FREM2: variants seen among roughly 807,000 people sequenced by gnomAD.
FREM2 encodes FRAS1 related extracellular matrix 2.
FREM2 carries 119 observed loss-of-function variants against 219.9 expected under a neutral mutation model. The ratio of observed to expected loss-of-function variants is 0.54; its 90% CI spans 0.47 to 0.63. The LOEUF (loss-of-function observed/expected upper bound fraction) is 0.63, where lower values mean the gene tolerates loss of function less well. Ranked by LOEUF, FREM2 falls within the 30% of genes least tolerant of loss-of-function variation. The pLI, the probability that FREM2 is intolerant of heterozygous loss-of-function variation, is 0.00. For missense variants in FREM2, 4,030 were observed against 3,993.6 expected (o/e 1.01, Z -0.25); for synonymous variants, 1,562 against 1,522.8 (o/e 1.03, Z -0.60).
chr13:38,817,364 A>G (rs938801935), intron 6 of FREM2, among the ~76,000 whole-genome samples: 12 of 152,128 alleles, frequency 7.9e-5, no homozygotes, highest in African/African-American at 1.2e-4. Context: ...TGAAAAACAG[A>G]CACATAGACC....
Position 38,850,202 on chromosome 13 carries a change from A to G in FREM2, c.6544A>G (p.Asn2182Asp). Reference protein sequence around the residue: ...QVMMDFEERPNTDTSIITFLP... With the variant: ...QVMMDFEERPDTDTSIITFLP... ...GATGATGGACTTTGAAGAACGCCCAAACACTGATACCTCCATCATCACATT... is the reference window on the plus strand; with the variant it reads ...GATGATGGACTTTGAAGAACGCCCAGACACTGATACCTCCATCATCACATT... Residue 2182 changes from asparagine to aspartate, a missense_variant, in exon 9 of 24, where the codon AAC (asparagine) becomes GAC (aspartate). Around this residue, in one of 2 missense-constraint regions of FREM2, gnomAD observed 3,102 missense variants for 2,950.7 expected, o/e 1.05. Transcript: ENST00000280481. The G allele has an allele frequency of 6.2e-7, 1 of 1,613,982 alleles. No homozygotes were observed. Among genetic ancestry groups the G allele is most frequent in the Non-Finnish European group, 8.5e-7 (1 of 1,179,900 alleles).
At chr13:38,806,532 T>G (rs1875233727) in intron 6 of FREM2, among the ~76,000 whole-genome samples, 1 of 151,582 alleles carries the variant, frequency 6.6e-6, no homozygotes, top group Non-Finnish European at 1.5e-5. Flanking sequence ...AATAGTCTAT[T>G]AAGTATGCAA....
Position 38,866,872 on chromosome 13 carries a change from A to G in FREM2, c.7983+2266A>G, listed in dbSNP as rs1168911487. Among the ~76,000 whole-genome samples the G allele has an allele frequency of 3.9e-5, 6 of 152,144 alleles. No homozygotes were observed. In the South Asian group the frequency reaches 6.2e-4, roughly 16 times the overall value. ...TTGCCTGCCTAAGCTTTATCCTATT[A>G]TATCTGTCCACTTTTTTAATGTAGC... On this transcript the variant is annotated intron_variant, in intron 16 of 23. Coordinates refer to ENST00000280481, the MANE Select transcript of FREM2 (RefSeq NM_207361.6).
chr13:38,876,463 C>T, intron 20 of FREM2, 81 bp downstream of exon 20: 1 of 1,035,910 alleles, frequency 9.7e-7, no homozygotes, highest in Non-Finnish European at 1.5e-6. Flanking sequence ...AAAAAAAATC[C>T]ACACGTGAAT....
Position 38,851,751 on chromosome 13 carries a change from G to C in FREM2, c.6808G>C (p.Val2270Leu), listed in dbSNP as rs762699744. The C allele has an allele frequency of 2.5e-6, 4 of 1,613,714 alleles. No homozygotes were observed. The highest frequency in any genetic ancestry group is 3.4e-6 in the Non-Finnish European group (4 of 1,179,644). ...TGAACCCAAAGAACCTGGAGAGTCG[G>C]TGGTTATAAGAATTCCAGTGATTCG... ...VTEPKEPGES[V>L]VIRIPVIRQG... is the part of the protein sequence containing the mutation. The change falls in exon 11 of 24, where the codon GTG (valine) becomes CTG (leucine). Residue 2270 changes from valine to leucine, a missense_variant. This residue lies in a region of FREM2 where 3,102 missense variants were observed against 2,950.7 expected (regional missense o/e 1.05). Coordinates refer to ENST00000280481, the MANE Select transcript of FREM2 (RefSeq NM_207361.6).
intron 2 of FREM2, among the ~76,000 whole-genome samples, chr13:38,747,882 A>G (rs1469826300): frequency 1.3e-5 from 2 of 152,202 alleles, no homozygotes; most frequent in African/African-American, 2.4e-5. Flanking sequence ...AGCTTAGTCC[A>G]TGCTTCCCAT....
chr13:38,769,595 A>G lies in FREM2; in HGVS notation c.5428A>G (p.Arg1810Gly), dbSNP rs2137814787. 1 of 1,613,968 alleles carries G rather than the reference A, an allele frequency of 6.2e-7. No homozygotes were observed. Among genetic ancestry groups the G allele is most frequent in the Non-Finnish European group, 8.5e-7 (1 of 1,179,834 alleles). Residue 1810 changes from arginine to glycine, a missense_variant, in exon 4 of 24, where the codon AGA becomes GGA. Around this residue, in one of 2 missense-constraint regions of FREM2, gnomAD observed 3,102 missense variants for 2,950.7 expected, o/e 1.05. Coordinates refer to ENST00000280481, the MANE Select transcript of FREM2 (RefSeq NM_207361.6). The part of the protein sequence containing the change: ...TSFISIGTRD[R>G]TAEKDKDFKG... Reference sequence around the variant, plus strand: ...TTGTGAAGGTATTGGCACAAGAGACAGAACTGCAGAAAAAGACAAAGACTT... The same window carrying G: ...TTGTGAAGGTATTGGCACAAGAGACGGAACTGCAGAAAAAGACAAAGACTT...
At chr13:38,769,501 G>C in intron 3 of FREM2, 77 bp from the exon 4 acceptor site, 2 of 1,325,348 alleles carry the variant, frequency 1.5e-6, no homozygotes, top group Non-Finnish European at 2.1e-6. Flanking sequence ...AAAATGACAT[G>C]CAAAAAGTTA....
intron 6 of FREM2, among the ~76,000 whole-genome samples, chr13:38,824,324 T>C (rs955669485): frequency 1.3e-5 from 2 of 152,122 alleles, no homozygotes; most frequent in African/African-American, 2.4e-5. Flanking sequence ...CTCTGTCTTA[T>C]AAGGTATATG....
chr13:38,733,757 C>G (rs1159364006), intron 2 of FREM2, among the ~76,000 whole-genome samples: 1 of 152,164 alleles, frequency 6.6e-6, no homozygotes, highest in Non-Finnish European at 1.5e-5. Context: ...ATCCTCTTGC[C>G]TTGGCCTCCC....
In FREM2 at chr13:38,883,014, A is replaced by T. The variant is rs567130428; in HGVS notation, c.*2227A>T. On this transcript the variant is annotated 3_prime_UTR_variant, in exon 24 of 24. Coordinates refer to ENST00000280481, the MANE Select transcript of FREM2 (RefSeq NM_207361.6). ...ATTTCACTCTACAATGCATATTCTA[A>T]TGAAGCTACTTTATATAAATTGGAG... 8 of 152,300 alleles carry T rather than the reference A, an allele frequency of 5.3e-5. No homozygotes were observed. Among genetic ancestry groups the T allele is most frequent in the Non-Finnish European group, 8.8e-5 (6 of 68,014 alleles). The allele number at this position is 152,300 out of a possible 1,614,324, so 9.4% of individuals were successfully genotyped here.
At chr13:38,828,458 A>T (rs1374020194) in intron 6 of FREM2, among the ~76,000 whole-genome samples, 2 of 152,110 alleles carry the variant, frequency 1.3e-5, no homozygotes, top group Admixed American at 1.3e-4. Context: ...CTATAATCCC[A>T]TTTCTTTATG....
intron 6 of FREM2, among the ~76,000 whole-genome samples, chr13:38,818,369 C>T (rs1207182466): frequency 6.6e-6 from 1 of 151,948 alleles, no homozygotes; most frequent in African/African-American, 2.4e-5. Flanking sequence ...TAATGAAATC[C>T]TATCATTTGA....
chr13:38,865,201 T>G (rs550065669), intron 16 of FREM2, among the ~76,000 whole-genome samples: 298 of 152,286 alleles, frequency 2.0e-3, no homozygotes, highest in Non-Finnish European at 3.1e-3. Context: ...CTTATTGTTA[T>G]TTGCACTCTA....
chr13:38,855,138 ATT>A (rs34156270), intron 11 of FREM2, among the ~76,000 whole-genome samples: 1 of 150,276 alleles, frequency 6.7e-6, no homozygotes, highest in South Asian at 2.1e-4. Flanking sequence ...AATAATTCTG[ATT>A]TTTTTTTTAG....
chr13:38,791,937 T>G (rs1368572447), intron 6 of FREM2, among the ~76,000 whole-genome samples: 1 of 152,224 alleles, frequency 6.6e-6, no homozygotes, highest in Non-Finnish European at 1.5e-5. Flanking sequence ...TTTATCATAC[T>G]GTAGCAAACC....
At position 38,880,977 on chromosome 13, in the gene FREM2, G is replaced by C. The variant is rs902361843; in HGVS notation, c.*190G>C. The C allele has an allele frequency of 2.8e-6, 2 of 721,988 alleles. No individual in the cohort carries two copies. Among genetic ancestry groups the C allele is most frequent in the African/African-American group, 3.5e-5 (2 of 57,190 alleles). The allele number at this position is 721,988 out of a possible 1,614,324, so 44.7% of individuals were successfully genotyped here. On this transcript the variant is annotated 3_prime_UTR_variant, in exon 24 of 24. Coordinates refer to ENST00000280481, the MANE Select transcript of FREM2 (RefSeq NM_207361.6). The stretch of plus-strand genomic sequence containing the variant: ...TTTTTGCATCAAAGGACAAATTAAG[G>C]CATCTTTCCTCTTGCCCCAAAGGCA...
chr13:38,807,703 A>G (rs1469840633), intron 6 of FREM2, among the ~76,000 whole-genome samples: 5 of 151,948 alleles, frequency 3.3e-5, no homozygotes, highest in African/African-American at 1.2e-4. Flanking sequence ...GTAAGTCTCA[A>G]TGGTCAGCTT....
intron 2 of FREM2, among the ~76,000 whole-genome samples, chr13:38,730,103 G>T (rs1291267269): frequency 2.0e-5 from 3 of 152,166 alleles, no homozygotes; most frequent in African/African-American, 7.2e-5. Context: ...CACAGCCTTT[G>T]CCTAGTGTTA....
Sources: gnomAD v4.1 joint callset for allele counts (sites outside exome capture counted in the v4.1 genomes callset) on GRCh38, gnomAD v4.1.1 for gene constraint, gnomAD v4.1.1 regional missense constraint, MANE v1.5 for transcripts, NCBI Gene and HGNC (gene_info 2026-07-23, HGNC 2026-07-21) for gene names.